ARSG: variants seen among roughly 807,000 people sequenced by gnomAD.
ARSG encodes the protein ASG.
Under a neutral mutation model 50.5 loss-of-function variants are expected in ARSG, and 37 were observed. The observed-to-expected ratio is 0.73, with a 90% CI of 0.56 to 0.96. The LOEUF is 0.96. ARSG is among the 50% of genes least tolerant of loss of function. The probability of loss-of-function intolerance (pLI) is 0.00; values close to 1 mark genes in which losing one functional copy is unlikely to be tolerated. For synonymous variants in ARSG, 225 were observed against 254.6 expected, an observed-to-expected ratio of 0.88 and a Z score of 1.11; for missense variants, 629 against 675.3, an observed-to-expected ratio of 0.93 and a Z score of 0.76.
intron 1 of ARSG, among the ~76,000 whole-genome samples, chr17:68,264,552 G>A (rs1488222145): frequency 6.6e-6 from 1 of 151,542 alleles, no homozygotes; most frequent in African/African-American, 2.4e-5. Flanking sequence ...TGATTCTCCT[G>A]TCAGCCTCCC....
chr17:68,317,457 A>G (rs1394241600), intron 2 of ARSG, among the ~76,000 whole-genome samples: 1 of 149,342 alleles, frequency 6.7e-6, no homozygotes, highest in Admixed American at 6.7e-5. Context: ...ATAATGATGA[A>G]CTGTTTTGTT....
chr17:68,327,127 G>A (rs1288878691), intron 2 of ARSG, among the ~76,000 whole-genome samples: 1 of 151,992 alleles, frequency 6.6e-6, no homozygotes, highest in Non-Finnish European at 1.5e-5. Flanking sequence ...GGAAGGGCAA[G>A]AAGAGGGTAA....
At chr17:68,312,060 A>G (rs35162995) in intron 2 of ARSG, among the ~76,000 whole-genome samples, 17,571 of 152,068 alleles carry the variant, frequency 0.12, 3,230 homozygotes, top group African/African-American at 0.39. Context: ...TTGGCCTCCC[A>G]AAGTGCTGCG....
chr17:68,259,606 G>A (rs1301435717), intron 1 of ARSG, among the ~76,000 whole-genome samples: 13 of 152,212 alleles, frequency 8.5e-5, no homozygotes, highest in Admixed American at 7.9e-4. Flanking sequence ...TAAAGAAGCA[G>A]GTGGAGTTAA....
Position 68,271,069 on chromosome 17 carries a change from A to T in ARSG, c.-552+11643A>T, listed in dbSNP as rs1317078732. 6.2e-7 allele frequency: 1 copy of T among 1,614,090 alleles called. No homozygotes were observed. The highest frequency in any genetic ancestry group is 8.5e-7 in the Non-Finnish European group (1 of 1,180,046). On this transcript the variant is annotated intron_variant, in intron 1 of 11. Transcript: ENST00000448504. This position sits in a 1 kb window ranked among gnomAD's most constrained non-coding sequence, Gnocchi z 5.3. ...AGACACAGTCAATAAGATGACGCAG[A>T]TGAGCTCAATGTAAATCTTACGAAT...
In ARSG at chr17:68,271,068, G is replaced by A. The variant is rs782504037; in HGVS notation, c.-552+11642G>A. 1 of 1,614,190 alleles carries A rather than the reference G, an allele frequency of 6.2e-7. No homozygotes were observed. Among genetic ancestry groups the A allele is most frequent in the Non-Finnish European group, 8.5e-7 (1 of 1,180,028 alleles). On this transcript the variant is annotated intron_variant, in intron 1 of 11. Transcript: ENST00000448504. This position sits in a 1 kb window ranked among gnomAD's most constrained non-coding sequence, Gnocchi z 5.3. ...GAGACACAGTCAATAAGATGACGCA[G>A]ATGAGCTCAATGTAAATCTTACGAA... is the stretch of plus-strand genomic sequence containing the variant.
intron 2 of ARSG, among the ~76,000 whole-genome samples, chr17:68,308,266 C>T (rs539443841): frequency 1.3e-5 from 2 of 152,218 alleles, no homozygotes; most frequent in Non-Finnish European, 2.9e-5. Context: ...AAGAATGAAG[C>T]TGCAAACCCT....
chr17:68,393,767 T>C (rs1353142511), intron 9 of ARSG, among the ~76,000 whole-genome samples: 1 of 150,532 alleles, frequency 6.6e-6, no homozygotes, highest in Non-Finnish European at 1.5e-5. Flanking sequence ...CTTAGGAGGC[T>C]GATGCAGGAG....
At chr17:68,267,006 A>C (rs1292921100) in intron 1 of ARSG, 1 of 152,182 alleles carries the variant, frequency 6.6e-6, no homozygotes, top group East Asian at 1.9e-4. Context: ...AGTCAATAAA[A>C]AATCTTAGAA....
chr17:68,426,556 A>G (rs181192691), downstream of ARSG, among the ~76,000 whole-genome samples: 346 of 152,292 alleles, frequency 2.3e-3, no homozygotes, highest in African/African-American at 8.3e-3. Context: ...TTTTTGAAAC[A>G]GAGTCTCACT....
intron 4 of ARSG, among the ~76,000 whole-genome samples, chr17:68,349,333 A>G (rs1007132382): frequency 6.6e-6 from 1 of 152,160 alleles, no homozygotes; most frequent in Non-Finnish European, 1.5e-5. Context: ...CAATATGTAC[A>G]GTCATTTGTG....
At chr17:68,376,276 C>CGT (rs149045241) in intron 8 of ARSG, among the ~76,000 whole-genome samples, 3,792 of 131,906 alleles carry the variant, frequency 0.029, 231 homozygotes, top group South Asian at 0.054. Flanking sequence ...GCGCCCCCTG[C>CGT]ATTTTTTTTT....
chr17:68,341,260 G>GT (rs2078256086), intron 2 of ARSG, among the ~76,000 whole-genome samples: 2 of 151,928 alleles, frequency 1.3e-5, no homozygotes, highest in Non-Finnish European at 2.9e-5. Flanking sequence ...TTTGTTTTTT[G>GT]TTTTTTAATT....
intron 2 of ARSG, among the ~76,000 whole-genome samples, chr17:68,322,567 A>G (rs1555770931): frequency 1.3e-5 from 2 of 152,196 alleles, no homozygotes; most frequent in African/African-American, 4.8e-5. Flanking sequence ...CAGTGCGCCA[A>G]GATTGTGCCA....
intron 2 of ARSG, among the ~76,000 whole-genome samples, chr17:68,328,107 A>G (rs782620266): frequency 1.3e-5 from 2 of 152,236 alleles, no homozygotes; most frequent in East Asian, 3.9e-4. Context: ...GTGGCAGTGT[A>G]CATGATACCA....
intron 11 of ARSG, among the ~76,000 whole-genome samples, chr17:68,407,841 C>A (rs1331642965): frequency 1.3e-5 from 2 of 151,958 alleles, no homozygotes; most frequent in Non-Finnish European, 2.9e-5. Context: ...TTTGAATGCC[C>A]TTTTACTGAT....
the ARSG span, among the ~76,000 whole-genome samples, chr17:68,430,811 G>A: frequency 6.6e-6 from 1 of 152,184 alleles, no homozygotes; most frequent in Admixed American, 6.5e-5. Flanking sequence ...ACAGAGGGTG[G>A]CACATTGAGA....
the ARSG span, among the ~76,000 whole-genome samples, chr17:68,437,016 A>ATGTGTGTGTGTGTGTG: frequency 5.4e-3 from 787 of 144,644 alleles, 12 homozygotes; most frequent in African/African-American, 0.018. Context: ...ATATATATAT[A>ATGTGTGTGTGTGTGTG]TGTGTGTGTG....
rs2081182145 is a variant in ARSG at position 68,395,137 on chromosome 17, T to G, written c.1156T>G (p.Phe386Val). Reference protein sequence around the residue: ...AQASLPQGRRFDGVDVSEVLF... With the variant: ...AQASLPQGRRVDGVDVSEVLF... ...GGCCAGCTTACCTCAAGGACGGCGCTTTGATGGTGTGGACGTCTCCGAGGT... is the reference window on the plus strand; with the variant it reads ...GGCCAGCTTACCTCAAGGACGGCGCGTTGATGGTGTGGACGTCTCCGAGGT... Residue 386 changes from phenylalanine (F) to valine (V), a missense_variant, in exon 10 of 12, where the codon TTT becomes GTT. Coordinates refer to ENST00000621439, the MANE Select transcript of ARSG (RefSeq NM_001267727.2). 1.9e-6 allele frequency: 3 copies of G among 1,614,038 alleles called. No homozygotes were observed. Among genetic ancestry groups the G allele is most frequent in the Non-Finnish European group, 2.5e-6 (3 of 1,179,980 alleles).
Sources: allele counts gnomAD v4.1 joint callset (sites outside exome capture counted in the v4.1 genomes callset), GRCh38; gene constraint gnomAD v4.1.1; non-coding constraint Gnocchi (gnomAD v3.1); transcripts MANE v1.5; gene names NCBI Gene and HGNC (gene_info 2026-07-23, HGNC 2026-07-21).